Variants in GPATCH2 observed in about 807,000 individuals in gnomAD.
GPATCH2 encodes the protein G patch domain-containing protein 2.
In GPATCH2, 51 loss-of-function variants were observed where a neutral mutation model predicts 58.0. The ratio of observed to expected loss-of-function variants is 0.88; its 90% CI spans 0.70 to 1.11. GPATCH2 has a LOEUF of 1.11. Ranked by LOEUF, GPATCH2 falls within the 50% of genes most tolerant of loss-of-function variation. The probability of loss-of-function intolerance (pLI) is 0.00; values close to 1 mark genes in which losing one functional copy is unlikely to be tolerated. For synonymous variants in GPATCH2, 222 were observed against 218.5 expected (o/e 1.02, Z -0.14); for missense variants, 625 against 652.2 (o/e 0.96, Z 0.45).
intron 8 of GPATCH2, among the ~76,000 whole-genome samples, chr1:217,454,044 C>T (rs1286849843): frequency 2.0e-5 from 3 of 152,120 alleles, no homozygotes; most frequent in African/African-American, 7.2e-5. Context: ...TCTGTGGTGT[C>T]ACTGGAGGAG....
intron 5 of GPATCH2, chr1:217,610,050 C>G: frequency 6.8e-7 from 1 of 1,462,164 alleles, no homozygotes; most frequent in East Asian, 2.5e-5. Flanking sequence ...CAAAGAGGCT[C>G]TCACTTCAAT....
chr1:217,494,588 A>C (rs1224279878), intron 7 of GPATCH2, among the ~76,000 whole-genome samples: 2 of 152,054 alleles, frequency 1.3e-5, no homozygotes, highest in Admixed American at 1.3e-4. Context: ...AAAATAGAAA[A>C]ATTAGCCGGG....
chr1:217,619,458 T>C (rs1296849057), intron 2 of GPATCH2, among the ~76,000 whole-genome samples: 1 of 152,172 alleles, frequency 6.6e-6, no homozygotes, highest in Non-Finnish European at 1.5e-5. Context: ...ATTAAACATA[T>C]AATTATATAT....
rs1659497459 is a variant in GPATCH2, at chr1:217,448,464, T to G, written c.1366+785A>C. 3.3e-5 allele frequency among the ~76,000 whole-genome samples: 5 copies of G among 152,352 alleles called. No individual in the cohort carries two copies. The South Asian group carries it at 1.0e-3, about 32-fold the overall frequency. On this transcript the variant is annotated intron_variant, in intron 9 of 9. Coordinates refer to ENST00000366935, the MANE Select transcript of GPATCH2 (RefSeq NM_018040.5). ...TATTTATATGTTGGTGTCTACATTT[T>G]AATGTCCACTTGGCTTCCTCCTATC...
At chr1:217,551,584 A>G (rs1665362974) in intron 5 of GPATCH2, among the ~76,000 whole-genome samples, 1 of 152,146 alleles carries the variant, frequency 6.6e-6, no homozygotes, top group Non-Finnish European at 1.5e-5. Context: ...CAGTGCCAAA[A>G]AAGTCTCCTT....
At chr1:217,518,683 C>T (rs984108384) in intron 5 of GPATCH2, among the ~76,000 whole-genome samples, 10 of 152,182 alleles carry the variant, frequency 6.6e-5, no homozygotes, top group Non-Finnish European at 1.5e-4. Flanking sequence ...GAGATTCCTT[C>T]TGTAAATTAA....
intron 1 of GPATCH2, among the ~76,000 whole-genome samples, chr1:217,629,158 T>C: frequency 6.6e-6 from 1 of 151,846 alleles, no homozygotes; most frequent in East Asian, 1.9e-4. Flanking sequence ...ACTTATATAG[T>C]AAATATCTGT....
chr1:217,491,930 C>A (rs1300049082), intron 7 of GPATCH2, among the ~76,000 whole-genome samples, 180 bp from the exon 8 acceptor site: 1 of 145,326 alleles, frequency 6.9e-6, no homozygotes, highest in Non-Finnish European at 1.5e-5. Flanking sequence ...TTCTGGAGTT[C>A]AATAGTTCAG....
chr1:217,558,905 T>C (rs974934783), intron 5 of GPATCH2, among the ~76,000 whole-genome samples: 4 of 152,192 alleles, frequency 2.6e-5, no homozygotes, highest in African/African-American at 7.2e-5. Context: ...CTTCCAACTA[T>C]ACTTGGTAGG....
intron 5 of GPATCH2, among the ~76,000 whole-genome samples, chr1:217,515,858 T>C (rs979027497): frequency 9.9e-5 from 15 of 151,878 alleles, no homozygotes; most frequent in Non-Finnish European, 1.2e-4. Context: ...CCAATGTATT[T>C]GTAGCTAGAT....
intron 5 of GPATCH2, among the ~76,000 whole-genome samples, chr1:217,522,347 A>G (rs1571853517): frequency 1.3e-5 from 2 of 152,328 alleles, no homozygotes; most frequent in South Asian, 4.1e-4. Flanking sequence ...AACTTTTTTC[A>G]TACCACTCCA....
At chr1:217,501,808 T>C (rs1411849093) in intron 6 of GPATCH2, among the ~76,000 whole-genome samples, 2 of 152,116 alleles carry the variant, frequency 1.3e-5, no homozygotes, top group Admixed American at 1.3e-4. Flanking sequence ...TTTAACTGTT[T>C]TATAACTATT....
At chr1:217,615,525 G>A (rs909777720) in intron 2 of GPATCH2, among the ~76,000 whole-genome samples, 8 of 151,842 alleles carry the variant, frequency 5.3e-5, no homozygotes, top group Non-Finnish European at 1.0e-4. Flanking sequence ...CTGACATTTC[G>A]CTGTCTAAAC....
intron 5 of GPATCH2, among the ~76,000 whole-genome samples, chr1:217,605,869 T>C (rs1668337824): frequency 6.6e-6 from 1 of 152,154 alleles, no homozygotes; most frequent in African/African-American, 2.4e-5. Flanking sequence ...TTATTCTGAA[T>C]TGAGTTTAAT....
chr1:217,449,382 T>G (rs775774852), intron 8 of GPATCH2, 45 bp from the exon 9 acceptor site: 9 of 1,144,858 alleles, frequency 7.9e-6, no homozygotes, highest in Admixed American at 5.1e-5. Context: ...GAAGAAAAAA[T>G]GACACATAAA....
chr1:217,627,465 A>C lies in GPATCH2; in HGVS notation c.56+3451T>G, dbSNP rs181398063. Reference sequence around the variant, plus strand: ...GAGCTAAAAAAAAATTTTAAATCCCAAATTAAAAAAAATTAATGCTATGTA... The same window carrying C: ...GAGCTAAAAAAAAATTTTAAATCCCCAATTAAAAAAAATTAATGCTATGTA... On this transcript the variant is annotated intron_variant, in intron 1 of 9. Transcript: ENST00000366935. 9.0e-4 allele frequency among the ~76,000 whole-genome samples: 137 copies of C among 152,210 alleles called. 2 individuals are homozygous for C. The East Asian group carries it at 0.021, about 23-fold the overall frequency.
At chr1:217,562,906 G>A (rs1379405092) in intron 5 of GPATCH2, among the ~76,000 whole-genome samples, 1 of 152,196 alleles carries the variant, frequency 6.6e-6, no homozygotes, top group Non-Finnish European at 1.5e-5. Context: ...AGTAAACTTT[G>A]AAAACTTTAA....
At chr1:217,552,645 C>T (rs981944922) in intron 5 of GPATCH2, among the ~76,000 whole-genome samples, 3 of 152,126 alleles carry the variant, frequency 2.0e-5, no homozygotes, top group African/African-American at 7.2e-5. Flanking sequence ...AAACAAATTG[C>T]CTAAATTCCA....
At chr1:217,534,206 A>C (rs1239802011) in intron 5 of GPATCH2, among the ~76,000 whole-genome samples, 1 of 152,108 alleles carries the variant, frequency 6.6e-6, no homozygotes, top group Non-Finnish European at 1.5e-5. Flanking sequence ...ACAGAACGAG[A>C]CCCTGTCTCA....
Sources: gnomAD v4.1 joint callset for allele counts (sites outside exome capture counted in the v4.1 genomes callset) on GRCh38, gnomAD v4.1.1 for gene constraint, MANE v1.5 for transcripts, NCBI Gene and HGNC (gene_info 2026-07-23, HGNC 2026-07-21) for gene names.